The following KDM2A variants were observed in gnomAD, a reference collection of about 807,000 sequenced individuals.
The protein encoded by KDM2A is lysine-specific demethylase 2A.
In KDM2A, 3 loss-of-function variants were observed where a neutral mutation model predicts 137.3. The observed-to-expected ratio is 0.02, with a 90% CI of 0.01 to 0.06. KDM2A has a LOEUF of 0.06. KDM2A is among the 10% of genes least tolerant of loss of function. The pLI is 1.00. For missense variants in KDM2A, 738 were observed against 1,510.6 expected (o/e 0.49, Z 8.48); for synonymous variants, 512 against 541.5 (o/e 0.95, Z 0.76).
intron 2 of KDM2A, among the ~76,000 whole-genome samples, chr11:67,130,700 G>A (rs1855835720): frequency 6.6e-6 from 1 of 151,898 alleles, no homozygotes. Flanking sequence ...TCTCACTTTT[G>A]GAATAATACT....
chr11:67,125,280 G>C (rs1163091988), intron 2 of KDM2A, among the ~76,000 whole-genome samples: 1 of 150,940 alleles, frequency 6.6e-6, no homozygotes, highest in East Asian at 2.0e-4. Flanking sequence ...TCCTGGTCTC[G>C]AGTGATCTTC....
At chr11:67,208,990 C>T (rs1223041003) in intron 6 of KDM2A, among the ~76,000 whole-genome samples, 4 of 151,508 alleles carry the variant, frequency 2.6e-5, no homozygotes, top group Admixed American at 1.3e-4. Context: ...ATATAGAGTG[C>T]GGTGGCACGA....
At chr11:67,251,814 A>G (rs1859437218) in intron 17 of KDM2A, among the ~76,000 whole-genome samples, 1 of 152,178 alleles carries the variant, frequency 6.6e-6, no homozygotes, top group Admixed American at 6.5e-5. Flanking sequence ...TTCTTTGCAA[A>G]CATGAGTTTA....
intron 5 of KDM2A, among the ~76,000 whole-genome samples, chr11:67,207,141 A>G (rs1857828620): frequency 6.6e-6 from 1 of 152,230 alleles, no homozygotes; most frequent in African/African-American, 2.4e-5. Context: ...GCTTGACTCT[A>G]GAGTGAGCCT....
chr11:67,247,063 ATATATATATTTTT>A lies in KDM2A; in HGVS notation c.1965+949_1965+961del, dbSNP rs1236799780. Among the ~76,000 whole-genome samples, 12 of 25,010 alleles carry A rather than the reference ATATATATATTTTT, an allele frequency of 4.8e-4. No individual in the cohort carries two copies. In the Admixed American group the frequency reaches 8.1e-3, roughly 17 times the overall value. 16.4% of individuals were successfully genotyped at this position (25,010 alleles called of 152,430 possible). ...TATATATATATATATATATATATAT[ATATATATATTTTT>A]TTTTTTTTTTTTTTTTTTTTTTTTT... On this transcript the variant is annotated intron_variant, in intron 15 of 20. Coordinates refer to ENST00000529006, the MANE Select transcript of KDM2A (RefSeq NM_012308.3).
At chr11:67,130,885 T>C (rs1442103640) in intron 2 of KDM2A, among the ~76,000 whole-genome samples, 1 of 150,784 alleles carries the variant, frequency 6.6e-6, no homozygotes, top group Non-Finnish European at 1.5e-5. Flanking sequence ...TTTTTAATTA[T>C]GGAGAGAGAG....
intron 5 of KDM2A, among the ~76,000 whole-genome samples, chr11:67,193,253 G>C (rs1049367647): frequency 6.6e-6 from 1 of 152,142 alleles, no homozygotes; most frequent in Non-Finnish European, 1.5e-5. Context: ...GCCTCCCAAA[G>C]TGCTGGGATT....
chr11:67,226,351 TCA>T (rs1858543559), intron 10 of KDM2A, among the ~76,000 whole-genome samples: 1 of 152,206 alleles, frequency 6.6e-6, no homozygotes. Context: ...TCCTGATGAT[TCA>T]GACCATCCTG....
At position 67,149,722 on chromosome 11, in the gene KDM2A, C is replaced by CT. The variant is rs368037059; in HGVS notation, c.42+28381dup. ...ATATTAAATTACTAGGTATTAGAAT[C>CT]TTTTTTTTTTTTTTTTTGACAGTGT... is the stretch of plus-strand genomic sequence containing the variant. On this transcript the variant is annotated intron_variant, in intron 2 of 20. Coordinates refer to ENST00000529006, the MANE Select transcript of KDM2A (RefSeq NM_012308.3). 5.7e-3 allele frequency among the ~76,000 whole-genome samples: 772 copies of CT among 134,940 alleles called. 3 individuals carry two copies. Among genetic ancestry groups the CT allele is most frequent in the Middle Eastern group, 0.022 (6 of 270 alleles). 88.5% of individuals were successfully genotyped at this position (134,940 alleles called of 152,430 possible). A position where few individuals can be genotyped will look rare whatever the true frequency, so the allele number is the denominator to read the frequency against.
In KDM2A at chr11:67,169,715, T is replaced by TTC. The variant is rs1225439618; in HGVS notation, c.43-10349_43-10348dup. On this transcript the variant is annotated intron_variant, in intron 2 of 20. Transcript: ENST00000529006. ...TTTTTTCTTTCTTTTTTCTTTTTTC[T>TTC]TCTCTCTCTCTCTCTCCTTCTCTCT... Among the ~76,000 whole-genome samples the TTC allele has an allele frequency of 9.5e-5, 13 of 137,020 alleles. No individual in the cohort carries two copies. In the East Asian group the frequency reaches 1.2e-3, roughly 12 times the overall value. The allele number at this position is 137,020 out of a possible 152,430, so 89.9% of individuals were successfully genotyped here.
At chr11:67,136,455 A>G (rs1855971311) in intron 2 of KDM2A, among the ~76,000 whole-genome samples, 1 of 152,216 alleles carries the variant, frequency 6.6e-6, no homozygotes. Flanking sequence ...AGATTCATTC[A>G]CTTAAACAAA....
chr11:67,218,995 A>C (rs1018296868), intron 9 of KDM2A, among the ~76,000 whole-genome samples: 1 of 152,238 alleles, frequency 6.6e-6, no homozygotes, highest in Admixed American at 6.5e-5. Flanking sequence ...CCTGAATTGT[A>C]AACTATCTTG....
chr11:67,130,894 A>G (rs1172604990), intron 2 of KDM2A, among the ~76,000 whole-genome samples: 1 of 148,918 alleles, frequency 6.7e-6, no homozygotes, highest in Non-Finnish European at 1.5e-5. Flanking sequence ...ATGGAGAGAG[A>G]GGCCCAGGGA....
chr11:67,254,197 G>A lies in KDM2A; in HGVS notation c.3092-6G>A. The A allele has an allele frequency of 1.2e-6, 2 of 1,612,850 alleles. No homozygotes were observed. The highest frequency in any genetic ancestry group is 1.7e-6 in the Non-Finnish European group (2 of 1,179,156). ...TTTGATCTAGGCTCTTCTCTTGCCT[G>A]TACAGGTCAGGACAATCGCAGCAAG... On this transcript the variant is annotated splice_polypyrimidine_tract_variant and splice_region_variant and intron_variant, in intron 19 of 20. Transcript: ENST00000529006. The surrounding 1 kb of genome is among the most constrained non-coding windows in gnomAD (Gnocchi z 4.7).
intron 2 of KDM2A, among the ~76,000 whole-genome samples, chr11:67,178,641 A>C (rs1314346452): frequency 6.6e-6 from 1 of 152,024 alleles, no homozygotes; most frequent in Admixed American, 6.6e-5. Context: ...GTCATACAAT[A>C]TGTGGTCTTT....
chr11:67,193,871 T>A (rs1172654247), intron 5 of KDM2A, among the ~76,000 whole-genome samples: 1 of 152,072 alleles, frequency 6.6e-6, no homozygotes, highest in Non-Finnish European at 1.5e-5. Context: ...AATACATACA[T>A]ACATACATAC....
At chr11:67,158,230 G>A (rs1437577107) in intron 2 of KDM2A, among the ~76,000 whole-genome samples, 1 of 152,058 alleles carries the variant, frequency 6.6e-6, no homozygotes, top group Non-Finnish European at 1.5e-5. Context: ...TGCATTTATG[G>A]TTCCTCCATG....
intron 2 of KDM2A, among the ~76,000 whole-genome samples, chr11:67,154,543 C>A (rs763638555): frequency 2.0e-5 from 3 of 152,132 alleles, no homozygotes; most frequent in Non-Finnish European, 4.4e-5. Context: ...GGCGATTCTC[C>A]TGCCTCAGCC....
At chr11:67,203,040 C>T (rs539187978) in intron 5 of KDM2A, among the ~76,000 whole-genome samples, 1 of 151,622 alleles carries the variant, frequency 6.6e-6, no homozygotes, top group East Asian at 1.9e-4. Context: ...TACACTTCAG[C>T]GAAAGAAAAA....
Sources: allele counts gnomAD v4.1 joint callset (sites outside exome capture counted in the v4.1 genomes callset), GRCh38; gene constraint gnomAD v4.1.1; non-coding constraint Gnocchi (gnomAD v3.1); transcripts MANE v1.5; gene names NCBI Gene and HGNC (gene_info 2026-07-23, HGNC 2026-07-21).